MDM2: variants seen among roughly 807,000 people sequenced by gnomAD.
The protein encoded by MDM2 is MDM2 proto-oncogene, also known as E3 ubiquitin-protein ligase Mdm2.
A neutral mutation model predicts 64.3 loss-of-function variants in MDM2; 11 were observed. The observed-to-expected ratio is 0.17, with a 90% CI of 0.11 to 0.28. The LOEUF (loss-of-function observed/expected upper bound fraction) is 0.28, where lower values mean the gene tolerates loss of function less well. Ranked by LOEUF, MDM2 falls within the 10% of genes least tolerant of loss-of-function variation. The pLI is 1.00. For missense variants in MDM2, 388 were observed against 577.1 expected (o/e 0.67, Z 3.36); for synonymous variants, 194 against 192.9 (o/e 1.01, Z -0.05).
chr12:68,809,405 A>G, intron 2 of MDM2, 113 bp downstream of exon 2: 1 of 990,548 alleles, frequency 1.0e-6, no homozygotes, highest in Non-Finnish European at 1.6e-6. Context: ...TTGTATGTGC[A>G]TAGCTTAAAG....
chr12:68,826,801 C>A (rs1248766116), intron 7 of MDM2, among the ~76,000 whole-genome samples: 1 of 152,042 alleles, frequency 6.6e-6, no homozygotes, highest in Non-Finnish European at 1.5e-5. Context: ...ATAATTGCAG[C>A]CCGGCCAAGA....
chr12:68,830,729 GTC>G (rs1467114674), intron 8 of MDM2, among the ~76,000 whole-genome samples: 1 of 152,050 alleles, frequency 6.6e-6, no homozygotes, highest in African/African-American at 2.4e-5. Context: ...TTGAGATTGA[GTC>G]TCTCTGTCTC....
rs186819692 is a variant in MDM2, at chr12:68,814,922, A to C, written c.174+1294A>C. 1.9e-3 allele frequency among the ~76,000 whole-genome samples: 294 copies of C among 152,322 alleles called. 8 individuals carry two copies. The South Asian group carries it at 0.032, about 16-fold the overall frequency. Reference sequence around the variant, plus strand: ...TCTTACAACGGTATAGTGGGGCAGGAAGAGCTTCCATTTTTCTTTTTCCTC... The same window carrying C: ...TCTTACAACGGTATAGTGGGGCAGGCAGAGCTTCCATTTTTCTTTTTCCTC... On this transcript the variant is annotated intron_variant, in intron 3 of 10. Transcript: ENST00000258149.
chr12:68,838,223 C>T (rs1463429595), intron 10 of MDM2, among the ~76,000 whole-genome samples: 2 of 152,156 alleles, frequency 1.3e-5, no homozygotes, highest in Non-Finnish European at 2.9e-5. Flanking sequence ...AAAATGGTTA[C>T]GGAAATACCT....
At position 68,844,809 on chromosome 12, in the gene MDM2, C is replaced by G; in HGVS notation, c.*4960C>G. 5.0e-6 allele frequency: 1 copy of G among 201,010 alleles called. No individual in the cohort carries two copies. Among genetic ancestry groups the G allele is most frequent in the Non-Finnish European group, 1.0e-5 (1 of 97,724 alleles). 12.5% of individuals were successfully genotyped at this position (201,010 alleles called of 1,614,324 possible). On this transcript the variant is annotated 3_prime_UTR_variant, in exon 11 of 11. Transcript: ENST00000258149. Reference sequence around the variant, plus strand: ...TGAGACGGAGTCTTGCTCTGTGGCTCAGGCTGGAGTACAGTGGTGCAATCT... The same window carrying G: ...TGAGACGGAGTCTTGCTCTGTGGCTGAGGCTGGAGTACAGTGGTGCAATCT...
intron 8 of MDM2, among the ~76,000 whole-genome samples, chr12:68,835,464 A>C (rs1300808518): frequency 6.6e-6 from 1 of 152,228 alleles, no homozygotes; most frequent in Non-Finnish European, 1.5e-5. Flanking sequence ...ACAGACGAAG[A>C]TGTTAATACA....
chr12:68,813,600 C>T lies in MDM2; in HGVS notation c.146C>T (p.Ala49Val), dbSNP rs2136114136. 6.2e-7 allele frequency: 1 copy of T among 1,612,960 alleles called. No homozygotes were observed. Among genetic ancestry groups the T allele is most frequent in the African/African-American group, 1.3e-5 (1 of 74,980 alleles). The change falls in exon 3 of 11, where the codon GCA (alanine) becomes GTA (valine). Residue 49 changes from alanine to valine, a missense_variant. Around this residue, in one of 5 missense-constraint regions of MDM2, gnomAD observed 24 missense variants for 87.8 expected, o/e 0.27. Coordinates refer to ENST00000258149, the MANE Select transcript of MDM2 (RefSeq NM_002392.6). ...LLLKLLKSVG[A>V]QKDTYTMKEV... Reference sequence around the variant, plus strand: ...TTGAAGTTATTAAAGTCTGTTGGTGCACAAAAAGACACTTATACTATGAAA... The same window carrying T: ...TTGAAGTTATTAAAGTCTGTTGGTGTACAAAAAGACACTTATACTATGAAA...
chr12:68,810,169 G>A (rs1210825799), intron 2 of MDM2, among the ~76,000 whole-genome samples: 5 of 151,938 alleles, frequency 3.3e-5, no homozygotes, highest in African/African-American at 1.2e-4. Context: ...AAAATTAGTC[G>A]GGCATGGTGG....
chr12:68,825,209 A>G (rs1042042214), intron 7 of MDM2, among the ~76,000 whole-genome samples: 4 of 152,178 alleles, frequency 2.6e-5, no homozygotes, highest in Admixed American at 2.0e-4. Flanking sequence ...ACTTCGTCTA[A>G]AAAGAAAGAT....
chr12:68,833,322 T>C lies in MDM2; in HGVS notation c.685-2507T>C, dbSNP rs1883041630. On this transcript the variant is annotated intron_variant, in intron 8 of 10. Coordinates refer to ENST00000258149, the MANE Select transcript of MDM2 (RefSeq NM_002392.6). The stretch of plus-strand genomic sequence containing the variant: ...TTATATAAATATAAAAATATAATTA[T>C]ATAAATATAAAAATATATATTTATG... Among the ~76,000 whole-genome samples the C allele has an allele frequency of 1.5e-5, 2 of 132,802 alleles. 1 individual carries two copies. Among genetic ancestry groups the C allele is most frequent in the Non-Finnish European group, 3.2e-5 (2 of 62,680 alleles). The allele number at this position is 132,802 out of a possible 152,430, so 87.1% of individuals were successfully genotyped here.
At chr12:68,809,145 G>A in intron 1 of MDM2, 63 bp from the exon 2 acceptor site, 3 of 1,599,826 alleles carry the variant, frequency 1.9e-6, no homozygotes, top group Non-Finnish European at 2.6e-6. Flanking sequence ...CTTTATATAT[G>A]ATGTATTTTC....
chr12:68,833,200 A>G (rs1882968197), intron 8 of MDM2, among the ~76,000 whole-genome samples: 1 of 130,448 alleles, frequency 7.7e-6, no homozygotes, highest in African/African-American at 2.8e-5. Context: ...TATATAATAT[A>G]TAATTATAAA....
chr12:68,849,461 G>A (rs1884557496), downstream of MDM2: 1 of 149,214 alleles, frequency 6.7e-6, no homozygotes, highest in African/African-American at 2.5e-5. Flanking sequence ...CCAGGTTGGA[G>A]TGCAGTGGCA....
rs115787905 is a variant in MDM2 at position 68,835,313 on chromosome 12, T to C, written c.685-516T>C. Among the ~76,000 whole-genome samples the C allele has an allele frequency of 2.1e-3, 325 of 152,308 alleles. 1 individual carries two copies. The highest frequency in any genetic ancestry group is 7.5e-3 in the African/African-American group (310 of 41,566). On this transcript the variant is annotated intron_variant, in intron 8 of 10. Transcript: ENST00000258149. ...TGACAAAGGCTTAGTCAAAGAAGGA[T>C]GAATAGGATTTTGAAACTGAAATTA... is the stretch of plus-strand genomic sequence containing the variant.
At chr12:68,825,424 C>T (rs992081627) in intron 7 of MDM2, among the ~76,000 whole-genome samples, 11 of 152,076 alleles carry the variant, frequency 7.2e-5, no homozygotes, top group Non-Finnish European at 1.5e-4. Flanking sequence ...GAGGCCGAGG[C>T]GGGTGGATCA....
chr12:68,841,518 T>G lies in MDM2; in HGVS notation c.*1669T>G, dbSNP rs1883765572. 4.8e-6 allele frequency: 1 copy of G among 210,436 alleles called. No homozygotes were observed. Among genetic ancestry groups the G allele is most frequent in the Admixed American group, 5.9e-5 (1 of 17,012 alleles). 13.0% of individuals were successfully genotyped at this position (210,436 alleles called of 1,614,324 possible). ...CCGTAAGACAAAACTTGTTAAAGCCTCCTGAGTCTAACCTAGATTACATCA... is the reference window on the plus strand; with the variant it reads ...CCGTAAGACAAAACTTGTTAAAGCCGCCTGAGTCTAACCTAGATTACATCA... On this transcript the variant is annotated 3_prime_UTR_variant, in exon 11 of 11. Coordinates refer to ENST00000258149, the MANE Select transcript of MDM2 (RefSeq NM_002392.6).
At chr12:68,836,476 G>T in intron 9 of MDM2, 196 bp from the exon 10 acceptor site, 1 of 468,986 alleles carries the variant, frequency 2.1e-6, no homozygotes, top group Non-Finnish European at 3.8e-6. Context: ...CCTTTGTATT[G>T]ACTTTTACCA....
Position 68,809,216 on chromosome 12 carries a change from G to T in MDM2, c.23G>T (p.Cys8Phe). MVRSRQM[C>F]NTNMSVPTDG... ...CTTTTTTTTCCTTGTAGGCAAATGTGCAATACCAACATGTCTGTACCTACT... is the reference window on the plus strand; with the variant it reads ...CTTTTTTTTCCTTGTAGGCAAATGTTCAATACCAACATGTCTGTACCTACT... Residue 8 changes from cysteine (C) to phenylalanine (F), a missense_variant, in exon 2 of 11, where the codon TGC (cysteine) becomes TTC (phenylalanine). Around this residue, in one of 5 missense-constraint regions of MDM2, gnomAD observed 46 missense variants for 45.2 expected, o/e 1.02. Coordinates refer to ENST00000258149, the MANE Select transcript of MDM2 (RefSeq NM_002392.6). 6.2e-7 allele frequency: 1 copy of T among 1,612,704 alleles called. No homozygotes were observed. The highest frequency in any genetic ancestry group is 8.5e-7 in the Non-Finnish European group (1 of 1,179,374).
intron 8 of MDM2, among the ~76,000 whole-genome samples, chr12:68,833,938 C>T (rs987812592): frequency 2.6e-5 from 4 of 152,168 alleles, no homozygotes; most frequent in Non-Finnish European, 4.4e-5. Context: ...TGATTCTAAT[C>T]TGATTGGTAG....
Sources: allele counts gnomAD v4.1 joint callset (sites outside exome capture counted in the v4.1 genomes callset), GRCh38; gene constraint gnomAD v4.1.1; regional missense constraint gnomAD v4.1.1; transcripts MANE v1.5; gene names NCBI Gene and HGNC (gene_info 2026-07-23, HGNC 2026-07-21).